CCDC18: variants seen among roughly 807,000 people sequenced by gnomAD.
The protein encoded by CCDC18 is coiled-coil domain-containing protein 18.
In CCDC18, 157 loss-of-function variants were observed where a neutral mutation model predicts 196.0. The observed-to-expected ratio is 0.80, with a 90% confidence interval of 0.70 to 0.91. The LOEUF (loss-of-function observed/expected upper bound fraction) is 0.91. CCDC18 is among the 40% of genes least tolerant of loss of function. The pLI is 0.00. For missense variants in CCDC18, 1,465 were observed against 1,611.6 expected, an observed-to-expected ratio of 0.91 and a Z score of 1.56; for synonymous variants, 482 against 529.2, an observed-to-expected ratio of 0.91 and a Z score of 1.22.
At chr1:93,260,348 C>A (rs1663613717) in intron 26 of CCDC18, among the ~76,000 whole-genome samples, 1 of 152,144 alleles carries the variant, frequency 6.6e-6, no homozygotes, top group Non-Finnish European at 1.5e-5. Context: ...CGCGCCATTG[C>A]AGTCAAGTCT....
chr1:93,234,783 C>CTTGTTTTGCTTTGTTTTGTT (rs1659780356), intron 18 of CCDC18, among the ~76,000 whole-genome samples: 1 of 149,666 alleles, frequency 6.7e-6, no homozygotes, highest in African/African-American at 2.5e-5. Flanking sequence ...ATGGGGTTTT[C>CTTGTTTTGCTTTGTTTTGTT]TTGTTTTGTT....
intron 12 of CCDC18, among the ~76,000 whole-genome samples, chr1:93,215,947 C>T (rs753603929): frequency 6.6e-6 from 1 of 152,142 alleles, no homozygotes; most frequent in Non-Finnish European, 1.5e-5. Flanking sequence ...TAATTGTGGA[C>T]CAGGACCACA....
At chr1:93,198,178 C>T (rs188556004) in intron 6 of CCDC18, among the ~76,000 whole-genome samples, 1 of 152,100 alleles carries the variant, frequency 6.6e-6, no homozygotes, top group Non-Finnish European at 1.5e-5. Context: ...AAAACTTAGT[C>T]CCTGTATTAA....
At chr1:93,214,552 T>G (rs941929533) in intron 11 of CCDC18, among the ~76,000 whole-genome samples, 191 bp from the exon 12 acceptor site, 10 of 152,354 alleles carry the variant, frequency 6.6e-5, no homozygotes, top group African/African-American at 2.4e-4. Flanking sequence ...TTCTCCTCTT[T>G]GTTACGTATT....
At chr1:93,234,113 A>G in intron 18 of CCDC18, among the ~76,000 whole-genome samples, 1 of 151,342 alleles carries the variant, frequency 6.6e-6, no homozygotes, top group East Asian at 1.9e-4. Flanking sequence ...TAATGGTTGT[A>G]TGGTTTTTTC....
chr1:93,257,814 AT>A (rs1663216002), intron 25 of CCDC18, among the ~76,000 whole-genome samples: 1 of 152,094 alleles, frequency 6.6e-6, no homozygotes, highest in Non-Finnish European at 1.5e-5. Context: ...AAAGTTAGGA[AT>A]TTTTTAATTG....
chr1:93,239,610 T>C (rs1660499632), intron 20 of CCDC18, 73 bp from the exon 21 acceptor site: 1 of 1,324,574 alleles, frequency 7.5e-7, no homozygotes, highest in Non-Finnish European at 1.0e-6. Context: ...TATAATTGAA[T>C]ATTCTTAATA....
intron 13 of CCDC18, among the ~76,000 whole-genome samples, chr1:93,217,493 G>A (rs896700730): frequency 3.3e-5 from 5 of 152,192 alleles, no homozygotes; most frequent in African/African-American, 1.2e-4. Context: ...GGTTCAGGCT[G>A]CAGTGCAGTG....
At chr1:93,195,002 C>CT (rs1317935360) in intron 6 of CCDC18, among the ~76,000 whole-genome samples, 1 of 152,134 alleles carries the variant, frequency 6.6e-6, no homozygotes, top group East Asian at 1.9e-4. Flanking sequence ...TCCTGAGTAG[C>CT]TGAGATTACA....
At chr1:93,261,641 A>G (rs1286647233) in intron 26 of CCDC18, among the ~76,000 whole-genome samples, 1 of 152,112 alleles carries the variant, frequency 6.6e-6, no homozygotes. Flanking sequence ...ATGGTCCCCC[A>G]AGCCACATCA....
chr1:93,243,674 C>G (rs185662692), intron 21 of CCDC18, among the ~76,000 whole-genome samples: 1 of 152,170 alleles, frequency 6.6e-6, no homozygotes, highest in Admixed American at 6.5e-5. Context: ...CCACCAGATA[C>G]GCTAAATCAT....
intron 6 of CCDC18, among the ~76,000 whole-genome samples, chr1:93,197,745 C>CTTTTTTTTTTTTTT (rs71094240): frequency 1.3e-4 from 10 of 76,008 alleles, no homozygotes; most frequent in Admixed American, 3.8e-4. Flanking sequence ...CTTTTCTTTT[C>CTTTTTTTTTTTTTT]TTTTTTTTTT....
Position 93,239,906 on chromosome 1 carries a change from A to C in CCDC18, c.2981+10A>C. 6.7e-7 allele frequency: 1 copy of C among 1,484,922 alleles called. No homozygotes were observed. Among genetic ancestry groups the C allele is most frequent in the Non-Finnish European group, 9.3e-7 (1 of 1,071,774 alleles). The allele number at this position is 1,484,922 out of a possible 1,614,324, so 92.0% of individuals were successfully genotyped here. On this transcript the variant is annotated intron_variant, in intron 21 of 28. Transcript: ENST00000690025. ...TCACAGCTGAACTTAGGTGAGTTAA[A>C]TAATAAGAAATTATATCACAGTTAT...
chr1:93,187,546 G>C (rs1650933552), intron 4 of CCDC18, among the ~76,000 whole-genome samples: 1 of 152,020 alleles, frequency 6.6e-6, no homozygotes, highest in Non-Finnish European at 1.5e-5. Flanking sequence ...TTGGAGTGAG[G>C]CTTTCACTAT....
Position 93,239,492 on chromosome 1 carries a change from G to A in CCDC18, c.2767+19G>A, listed in dbSNP as rs558939475. On this transcript the variant is annotated intron_variant, in intron 20 of 28. Coordinates refer to ENST00000690025, the MANE Select transcript of CCDC18 (RefSeq NM_001378204.1). ...AATGCTGGTAAGCAAGTGGTTAGATGAGTATAGCTGCCTATGTATTTGTAC... is the reference window on the plus strand; with the variant it reads ...AATGCTGGTAAGCAAGTGGTTAGATAAGTATAGCTGCCTATGTATTTGTAC... The A allele has an allele frequency of 1.9e-6, 3 of 1,589,104 alleles. No individual in the cohort carries two copies. The highest frequency in any genetic ancestry group is 2.7e-5 in the African/African-American group (2 of 73,554).
At chr1:93,257,433 A>G (rs527274543) in intron 25 of CCDC18, among the ~76,000 whole-genome samples, 1 of 152,152 alleles carries the variant, frequency 6.6e-6, no homozygotes, top group South Asian at 2.1e-4. Context: ...TTGGCTTAAA[A>G]ATATTTACAT....
intron 13 of CCDC18, among the ~76,000 whole-genome samples, chr1:93,216,958 A>G (rs143881379): frequency 0.091 from 11,113 of 121,784 alleles, 1,665 homozygotes; most frequent in African/African-American, 0.37. Flanking sequence ...TTTTTGAGAC[A>G]GAGTCTCACT....
intron 3 of CCDC18, among the ~76,000 whole-genome samples, chr1:93,185,093 T>G (rs868245490): frequency 1.6e-4 from 25 of 151,786 alleles, no homozygotes; most frequent in African/African-American, 5.8e-4. Flanking sequence ...GAAAAAGAAA[T>G]AAAAGTGATA....
intron 16 of CCDC18, among the ~76,000 whole-genome samples, chr1:93,224,435 C>T (rs906433031): frequency 6.6e-6 from 1 of 152,178 alleles, no homozygotes; most frequent in African/African-American, 2.4e-5. Context: ...AAAATTTCCC[C>T]AATTACTTAA....
Sources: allele counts gnomAD v4.1 joint callset (sites outside exome capture counted in the v4.1 genomes callset), GRCh38; gene constraint gnomAD v4.1.1; transcripts MANE v1.5; gene names NCBI Gene and HGNC (gene_info 2026-07-23, HGNC 2026-07-21).